Variants in MYRIP observed in about 807,000 individuals in gnomAD.
MYRIP encodes myosin VIIA and Rab interacting protein.
MYRIP carries 49 observed loss-of-function variants against 98.0 expected under a neutral mutation model. The observed-to-expected ratio is 0.50, with a 90% CI of 0.40 to 0.63. The LOEUF is 0.63. MYRIP is among the 30% of genes least tolerant of loss of function. The pLI is 0.00. For missense variants in MYRIP, 1,004 were observed against 1,058.2 expected (o/e 0.95, Z 0.71); for synonymous variants, 404 against 409.5 (o/e 0.99, Z 0.16).
chr3:40,012,424 A>G (rs769377304), intron 2 of MYRIP, among the ~76,000 whole-genome samples: 1 of 152,240 alleles, frequency 6.6e-6, no homozygotes, highest in African/African-American at 2.4e-5. Context: ...ACTGAAGTCC[A>G]TGGAGACATC....
chr3:40,104,691 G>A (rs187285705), intron 3 of MYRIP, among the ~76,000 whole-genome samples: 82 of 152,234 alleles, frequency 5.4e-4, no homozygotes, highest in Admixed American at 1.0e-3. Context: ...GTGCACTTCC[G>A]TCTGAGTTAT....
At chr3:40,245,123 T>C (rs1332124315) in intron 13 of MYRIP, among the ~76,000 whole-genome samples, 1 of 152,198 alleles carries the variant, frequency 6.6e-6, no homozygotes, top group Non-Finnish European at 1.5e-5. Context: ...ATTGGAAGCA[T>C]AGATTTCTCA....
At chr3:40,119,148 T>G (rs1474201285) in intron 3 of MYRIP, among the ~76,000 whole-genome samples, 1 of 152,048 alleles carries the variant, frequency 6.6e-6, no homozygotes, top group Non-Finnish European at 1.5e-5. Flanking sequence ...CCCTGAGGAA[T>G]CGCCACACTG....
In MYRIP at chr3:40,047,845, A is replaced by T. The variant is rs181167070; in HGVS notation, c.332+3574A>T. 3.3e-5 allele frequency among the ~76,000 whole-genome samples: 5 copies of T among 152,284 alleles called. No homozygotes were observed. In the East Asian group the frequency reaches 9.6e-4, roughly 29 times the overall value. On this transcript the variant is annotated intron_variant, in intron 3 of 16. Transcript: ENST00000302541. The stretch of plus-strand genomic sequence containing the variant: ...GGATCACATTCTTGTTTTTTGAAGG[A>T]TGCCTTAGAAGAGTTAATTTTATTT...
intron 10 of MYRIP, among the ~76,000 whole-genome samples, chr3:40,201,017 C>T (rs1226326362): frequency 6.6e-6 from 1 of 152,194 alleles, no homozygotes; most frequent in Admixed American, 6.5e-5. Flanking sequence ...ACAGTTGTGG[C>T]CAGTATGAAA....
At chr3:40,114,765 G>A (rs1356324975) in intron 3 of MYRIP, among the ~76,000 whole-genome samples, 2 of 152,234 alleles carry the variant, frequency 1.3e-5, no homozygotes, top group Non-Finnish European at 2.9e-5. Context: ...GGGAAGCAGT[G>A]CTTGAATGTG....
chr3:40,235,812 A>G (rs1256736416), intron 12 of MYRIP, among the ~76,000 whole-genome samples: 1 of 152,186 alleles, frequency 6.6e-6, no homozygotes, highest in Non-Finnish European at 1.5e-5. Flanking sequence ...AGATGTCTGG[A>G]AAGGAGGAAG....
chr3:39,914,233 C>G (rs1021309012), intron 2 of MYRIP, among the ~76,000 whole-genome samples: 6 of 152,116 alleles, frequency 3.9e-5, no homozygotes, highest in African/African-American at 1.2e-4. Context: ...CTTGGCTCAA[C>G]AAATAAGACG....
intron 1 of MYRIP, among the ~76,000 whole-genome samples, chr3:39,834,021 C>T (rs771415459): frequency 9.2e-5 from 14 of 152,214 alleles, no homozygotes; most frequent in Non-Finnish European, 1.9e-4. Context: ...AAGAGCGAAA[C>T]TCTGTCTTGA....
intron 1 of MYRIP, among the ~76,000 whole-genome samples, chr3:39,889,526 T>C (rs1376436812): frequency 6.6e-6 from 1 of 151,902 alleles, no homozygotes; most frequent in Non-Finnish European, 1.5e-5. Flanking sequence ...CTGGGGACCG[T>C]TGTGGGGTGG....
At chr3:39,811,700 AGT>A (rs1940700156) in intron 1 of MYRIP, among the ~76,000 whole-genome samples, 1 of 144,852 alleles carries the variant, frequency 6.9e-6, no homozygotes, top group African/African-American at 2.6e-5. Flanking sequence ...GAGGAGTCAA[AGT>A]GTGTCTCTGT....
chr3:39,951,852 CTG>C (rs1265174071), intron 2 of MYRIP, among the ~76,000 whole-genome samples: 1 of 152,110 alleles, frequency 6.6e-6, no homozygotes, highest in Non-Finnish European at 1.5e-5. Context: ...CTTTATAAAA[CTG>C]TCACTTTTCA....
chr3:40,050,804 G>T (rs1947780502), intron 3 of MYRIP, among the ~76,000 whole-genome samples: 2 of 152,126 alleles, frequency 1.3e-5, no homozygotes, highest in African/African-American at 4.8e-5. Context: ...TTTGGAAAAA[G>T]TTGATTCCAG....
intron 2 of MYRIP, among the ~76,000 whole-genome samples, chr3:39,930,209 A>G (rs547150369): frequency 6.6e-6 from 1 of 152,134 alleles, no homozygotes; most frequent in African/African-American, 2.4e-5. Context: ...CATACTCATC[A>G]ATACTCATTA....
At chr3:40,238,171 C>G (rs1033234235) in intron 12 of MYRIP, among the ~76,000 whole-genome samples, 24 of 152,216 alleles carry the variant, frequency 1.6e-4, no homozygotes, top group African/African-American at 5.3e-4. Flanking sequence ...TCCCTTCCCC[C>G]ATCCTTCAGC....
chr3:40,167,808 C>T (rs959464797), intron 7 of MYRIP, among the ~76,000 whole-genome samples: 2 of 152,136 alleles, frequency 1.3e-5, no homozygotes, highest in Non-Finnish European at 2.9e-5. Context: ...GCTTTACTTA[C>T]CATTACCGGT....
chr3:40,152,009 T>G (rs1333443179), intron 4 of MYRIP, among the ~76,000 whole-genome samples: 1 of 152,234 alleles, frequency 6.6e-6, no homozygotes, highest in African/African-American at 2.4e-5. Flanking sequence ...GTCAGCCACT[T>G]AGACAACGGG....
chr3:40,152,739 T>C (rs1166613116), intron 4 of MYRIP, among the ~76,000 whole-genome samples: 5 of 152,214 alleles, frequency 3.3e-5, no homozygotes. Flanking sequence ...ATGCAGGTGG[T>C]AGCTTGTTTA....
At chr3:39,821,485 A>G (rs368477116) in intron 1 of MYRIP, among the ~76,000 whole-genome samples, 2 of 151,642 alleles carry the variant, frequency 1.3e-5, no homozygotes, top group African/African-American at 2.4e-5. Context: ...TCTCATCTTT[A>G]TTATTTCTTT....
Sources: gnomAD v4.1 joint callset for allele counts (sites outside exome capture counted in the v4.1 genomes callset) on GRCh38, gnomAD v4.1.1 for gene constraint, MANE v1.5 for transcripts, NCBI Gene and HGNC (gene_info 2026-07-23, HGNC 2026-07-21) for gene names.